Variants in SYNE1 observed in about 807,000 individuals in gnomAD.
SYNE1 encodes the protein nesprin-1.
A neutral mutation model predicts 1,111.0 loss-of-function variants in SYNE1; 616 were observed. The observed-to-expected ratio is 0.55, with a 90% CI of 0.52 to 0.59. The LOEUF (loss-of-function observed/expected upper bound fraction) is 0.59. SYNE1 is among the 20% of genes least tolerant of loss of function. SYNE1 has a pLI of 0.00. For missense variants in SYNE1, 10,006 were observed against 10,417.0 expected (o/e 0.96, Z 1.72); for synonymous variants, 3,855 against 3,825.8 (o/e 1.01, Z -0.28).
intron 131 of SYNE1, among the ~76,000 whole-genome samples, chr6:152,163,761 C>T (rs967142830): frequency 2.0e-5 from 3 of 152,032 alleles, no homozygotes; most frequent in Non-Finnish European, 4.4e-5. Context: ...ACACTATACA[C>T]AGGAAAAAAA....
At chr6:152,628,044 C>CAAAGA (rs1555054849) in intron 3 of SYNE1, among the ~76,000 whole-genome samples, 3 of 103,350 alleles carry the variant, frequency 2.9e-5, no homozygotes, top group African/African-American at 1.1e-4. Flanking sequence ...CACAAAATTA[C>CAAAGA]AAAAAAAAAA....
chr6:152,395,370 G>T lies in SYNE1; in HGVS notation c.7712+146C>A. The T allele has an allele frequency of 3.8e-6, 3 of 799,894 alleles. 1 individual carries two copies. The highest frequency in any genetic ancestry group is 3.4e-5 in the South Asian group (2 of 58,328). The allele number at this position is 799,894 out of a possible 1,614,324, so 49.5% of individuals were successfully genotyped here. Reference sequence around the variant, plus strand: ...GCACTGCTGCAAAGAGTGCAGCATAGTCCTCTGTATTCCAGACATTCAAGG... The same window carrying T: ...GCACTGCTGCAAAGAGTGCAGCATATTCCTCTGTATTCCAGACATTCAAGG... On this transcript the variant is annotated intron_variant, in intron 51 of 145. Transcript: ENST00000367255.
chr6:152,323,546 G>C lies in SYNE1; in HGVS notation c.15849C>G (p.Ala5283=), dbSNP rs748953708. The stretch of plus-strand genomic sequence containing the variant: ...GAGGCTCTTCCCCAGGGGTTGGGGC[G>C]GCTCCATCCTGGAGCATGCTCAGGG... ...QQTLSMLQDG[A]APTPGEEPPL... The change falls in exon 82 of 146, where the codon GCC becomes GCG. Residue 5283 remains alanine (A), a synonymous_variant. Transcript: ENST00000367255. The C allele has an allele frequency of 2.5e-5, 41 of 1,614,224 alleles. No individual in the cohort carries two copies. The South Asian group carries it at 4.5e-4, about 18-fold the overall frequency.
intron 14 of SYNE1, among the ~76,000 whole-genome samples, chr6:152,473,076 T>C (rs971372904): frequency 6.6e-6 from 1 of 152,208 alleles, no homozygotes; most frequent in African/African-American, 2.4e-5. Flanking sequence ...TTGAATCTTC[T>C]TTGATTTGTT....
At chr6:152,302,224 G>C (rs549618771) in intron 91 of SYNE1, 161 bp from the exon 92 acceptor site, 3 of 928,354 alleles carry the variant, frequency 3.2e-6, no homozygotes, top group African/African-American at 3.3e-5. Context: ...TCTCGCTACC[G>C]AGCCAGACCG....
chr6:152,604,329 G>T (rs531403408), intron 3 of SYNE1, among the ~76,000 whole-genome samples: 1 of 151,910 alleles, frequency 6.6e-6, no homozygotes, highest in East Asian at 1.9e-4. Context: ...TTGAGACAGG[G>T]TCTCACTCTG....
intron 10 of SYNE1, among the ~76,000 whole-genome samples, chr6:152,502,093 T>C (rs1222507293): frequency 1.3e-5 from 2 of 152,178 alleles, no homozygotes; most frequent in African/African-American, 4.8e-5. Flanking sequence ...AAAAAATTTA[T>C]GACAATTAAC....
At chr6:152,465,547 C>T in intron 17 of SYNE1, 87 bp from the exon 18 acceptor site, 1 of 1,187,312 alleles carries the variant, frequency 8.4e-7, no homozygotes, top group South Asian at 1.3e-5. Context: ...CATTGGTGTG[C>T]AATAGTATCC....
chr6:152,285,915 G>A (rs2094300511), intron 95 of SYNE1, among the ~76,000 whole-genome samples: 1 of 152,128 alleles, frequency 6.6e-6, no homozygotes, highest in African/African-American at 2.4e-5. Flanking sequence ...TGGAAAAACA[G>A]GCTCTATCAC....
Position 152,254,900 on chromosome 6 carries a change from G to T in SYNE1, c.19450C>A (p.Gln6484Lys), listed in dbSNP as rs2090447154. Residue 6484 changes from glutamine to lysine, a missense_variant, in exon 104 of 146, where the codon CAG (glutamine) becomes AAG (lysine). Gln to Lys is a moderately conservative substitution (Grantham distance 53). Coordinates refer to ENST00000367255, the MANE Select transcript of SYNE1 (RefSeq NM_182961.4). ...QRCHQMKERL[Q>K]QILNFQNDLK... ...CTTACCTGGAAATTTAGTATTTGCT[G>T]AAGTCTTTCTTTCATCTGATGACAT... 1 of 1,613,636 alleles carries T rather than the reference G, an allele frequency of 6.2e-7. No individual in the cohort carries two copies. Among genetic ancestry groups the T allele is most frequent in the Non-Finnish European group, 8.5e-7 (1 of 1,179,858 alleles).
intron 3 of SYNE1, among the ~76,000 whole-genome samples, chr6:152,545,768 G>A (rs903503930): frequency 6.6e-6 from 1 of 152,074 alleles, no homozygotes; most frequent in Non-Finnish European, 1.5e-5. Context: ...TTGTTATTAT[G>A]CCTAATAGGT....
Position 152,444,581 on chromosome 6 carries a change from A to C in SYNE1, c.3670-3T>G. 6.2e-7 allele frequency: 1 copy of C among 1,606,900 alleles called. No homozygotes were observed. The highest frequency in any genetic ancestry group is 8.5e-7 in the Non-Finnish European group (1 of 1,178,050). On this transcript the variant is annotated splice_region_variant and splice_polypyrimidine_tract_variant and intron_variant, in intron 29 of 145. Transcript: ENST00000367255. ...AAATTGCTTAGCATCTTTTCAACCT[A>C]TATTTTCATGAAAAAAAAAAACACG...
At chr6:152,588,584 A>C (rs891772971) in intron 3 of SYNE1, among the ~76,000 whole-genome samples, 2 of 152,198 alleles carry the variant, frequency 1.3e-5, no homozygotes, top group African/African-American at 4.8e-5. Flanking sequence ...TCAGCAGGTC[A>C]AGCTGCCCCT....
chr6:152,216,388 G>A (rs994252926), intron 121 of SYNE1, among the ~76,000 whole-genome samples: 14 of 152,196 alleles, frequency 9.2e-5, no homozygotes, highest in Non-Finnish European at 2.9e-5. Flanking sequence ...ACAATAGTGT[G>A]CTATGAAAAT....
At chr6:152,500,198 T>C (rs1465739106) in intron 10 of SYNE1, among the ~76,000 whole-genome samples, 3 of 152,216 alleles carry the variant, frequency 2.0e-5, no homozygotes, top group South Asian at 2.1e-4. Flanking sequence ...CTCTGTGCTA[T>C]ATGAGGTAAG....
intron 108 of SYNE1, among the ~76,000 whole-genome samples, chr6:152,237,409 A>T (rs1460305421): frequency 6.6e-6 from 1 of 150,520 alleles, no homozygotes; most frequent in Non-Finnish European, 1.5e-5. Context: ...TCCTGGGCTC[A>T]AGGGATCCTC....
At chr6:152,576,640 A>G (rs965907272) in intron 3 of SYNE1, among the ~76,000 whole-genome samples, 3 of 152,218 alleles carry the variant, frequency 2.0e-5, no homozygotes, top group Non-Finnish European at 2.9e-5. Context: ...AAACCTTGTC[A>G]TATTTTCAGT....
At chr6:152,206,436 G>T in intron 125 of SYNE1, 74 bp from the exon 126 acceptor site, 1 of 1,559,256 alleles carries the variant, frequency 6.4e-7, no homozygotes, top group Non-Finnish European at 8.7e-7. Context: ...TTTTTAAATG[G>T]CCCTAACTTT....
intron 28 of SYNE1, among the ~76,000 whole-genome samples, chr6:152,448,493 T>C (rs184362523): frequency 6.6e-6 from 1 of 152,302 alleles, no homozygotes; most frequent in East Asian, 1.9e-4. Context: ...TCCTTCCATA[T>C]GCATACCATG....
Sources: allele counts gnomAD v4.1 joint callset (sites outside exome capture counted in the v4.1 genomes callset), GRCh38; gene constraint gnomAD v4.1.1; transcripts MANE v1.5; gene names NCBI Gene and HGNC (gene_info 2026-07-23, HGNC 2026-07-21).